The following AMPH variants were observed in gnomAD, a reference collection of about 807,000 sequenced individuals.
The protein encoded by AMPH is amphiphysin.
A neutral mutation model predicts 99.1 loss-of-function variants in AMPH; 49 were observed. The observed-to-expected ratio is 0.49, with a 90% CI of 0.39 to 0.63. The LOEUF is 0.63. Ranked by LOEUF, AMPH falls within the 20% of genes least tolerant of loss-of-function variation. AMPH has a pLI of 0.00. For missense variants in AMPH, 759 were observed against 863.4 expected, an observed-to-expected ratio of 0.88 and a Z score of 1.52; for synonymous variants, 314 against 317.3, an observed-to-expected ratio of 0.99 and a Z score of 0.11.
At chr7:38,488,160 A>G (rs1327154002) in intron 5 of AMPH, among the ~76,000 whole-genome samples, 2 of 152,176 alleles carry the variant, frequency 1.3e-5, no homozygotes, top group Non-Finnish European at 2.9e-5. Context: ...TTGATGCAGC[A>G]ATCCCATTAC....
chr7:38,415,141 C>G (rs2128986065), intron 17 of AMPH, among the ~76,000 whole-genome samples: 1 of 151,958 alleles, frequency 6.6e-6, no homozygotes, highest in Middle Eastern at 3.4e-3. Context: ...AAACAACAAA[C>G]AAAAATGTAA....
chr7:38,503,823 A>C, intron 2 of AMPH, 119 bp from the exon 3 acceptor site: 1 of 947,990 alleles, frequency 1.1e-6, no homozygotes, highest in Non-Finnish European at 1.7e-6. Flanking sequence ...AAAAACATAA[A>C]TATGTGGACA....
intron 11 of AMPH, among the ~76,000 whole-genome samples, chr7:38,436,971 T>C (rs1235219343): frequency 2.6e-5 from 4 of 152,182 alleles, no homozygotes; most frequent in African/African-American, 7.2e-5. Context: ...TGTATGTGTA[T>C]GAGTGAGGGT....
At chr7:38,609,748 AT>A (rs975629684) in intron 1 of AMPH, among the ~76,000 whole-genome samples, 15 of 47,800 alleles carry the variant, frequency 3.1e-4, no homozygotes, top group Non-Finnish European at 5.0e-4. Context: ...TGGGTAATAG[AT>A]TGCAGGTGCT....
intron 1 of AMPH, among the ~76,000 whole-genome samples, chr7:38,587,951 C>T (rs113803793): frequency 0.019 from 2,367 of 126,654 alleles, 54 homozygotes; most frequent in African/African-American, 0.058. Flanking sequence ...TGTGTGTGTG[C>T]GCGTGTGTGT....
intron 11 of AMPH, among the ~76,000 whole-genome samples, chr7:38,441,803 TATATATCATATATATC>T (rs1362336638): frequency 1.6e-5 from 1 of 64,314 alleles, no homozygotes; most frequent in Non-Finnish European, 2.9e-5. Flanking sequence ...ATATATCATA[TATATATCATATATATC>T]ATATATCATA....
chr7:38,605,733 G>A (rs759007154), intron 1 of AMPH, among the ~76,000 whole-genome samples: 3 of 151,786 alleles, frequency 2.0e-5, no homozygotes, highest in Non-Finnish European at 2.9e-5. Context: ...CCACCACCAT[G>A]CCCAGCTATT....
chr7:38,563,569 CT>C (rs1464386918), intron 1 of AMPH, among the ~76,000 whole-genome samples: 2 of 152,150 alleles, frequency 1.3e-5, no homozygotes, highest in Admixed American at 6.5e-5. Flanking sequence ...GAGCTACAGT[CT>C]TTCTCTTGGG....
chr7:38,561,522 T>C (rs1791551109), intron 1 of AMPH, among the ~76,000 whole-genome samples: 1 of 152,110 alleles, frequency 6.6e-6, no homozygotes, highest in Non-Finnish European at 1.5e-5. Flanking sequence ...TTATCCTGTT[T>C]AGAGAGAAGC....
chr7:38,418,993 A>G (rs1201870218), intron 16 of AMPH, among the ~76,000 whole-genome samples: 1 of 152,016 alleles, frequency 6.6e-6, no homozygotes, highest in Admixed American at 6.6e-5. Flanking sequence ...TAATATAAAT[A>G]AACATATTTA....
chr7:38,399,793 A>G (rs1784790459), intron 17 of AMPH, among the ~76,000 whole-genome samples: 1 of 152,142 alleles, frequency 6.6e-6, no homozygotes. Flanking sequence ...TTCACTCTAA[A>G]TGTTCAGAAA....
chr7:38,407,658 C>T (rs944596477), intron 17 of AMPH, among the ~76,000 whole-genome samples: 10 of 152,002 alleles, frequency 6.6e-5, no homozygotes, highest in Admixed American at 4.6e-4. Flanking sequence ...ATTAAATATA[C>T]ACTAAGGTAA....
chr7:38,463,203 C>G, intron 9 of AMPH, 90 bp from the exon 10 acceptor site: 1 of 1,557,896 alleles, frequency 6.4e-7, no homozygotes, highest in Non-Finnish European at 8.8e-7. Flanking sequence ...AACCCAGAAG[C>G]CTAACAGGTA....
chr7:38,563,910 T>C (rs1791640230), intron 1 of AMPH, among the ~76,000 whole-genome samples: 1 of 152,196 alleles, frequency 6.6e-6, no homozygotes, highest in Non-Finnish European at 1.5e-5. Context: ...ATCCTAAGAA[T>C]GTTATCACCT....
At chr7:38,571,907 TC>T (rs1199792266) in intron 1 of AMPH, among the ~76,000 whole-genome samples, 6 of 69,950 alleles carry the variant, frequency 8.6e-5, no homozygotes, top group Non-Finnish European at 1.9e-4. Flanking sequence ...TACACGTTTA[TC>T]TTTTTTTTTT....
intron 1 of AMPH, among the ~76,000 whole-genome samples, chr7:38,557,959 G>A (rs1734273981): frequency 6.6e-6 from 1 of 151,648 alleles, no homozygotes; most frequent in Admixed American, 6.6e-5. Flanking sequence ...GGAGGCTGAG[G>A]TAGGAGGATT....
chr7:38,615,635 G>T (rs367761978), intron 1 of AMPH, among the ~76,000 whole-genome samples: 1 of 152,040 alleles, frequency 6.6e-6, no homozygotes, highest in Non-Finnish European at 1.5e-5. Context: ...GGTCAGAGGG[G>T]AGCTACAGTC....
chr7:38,584,095 A>T (rs28736823), intron 1 of AMPH, among the ~76,000 whole-genome samples: 2,777 of 152,284 alleles, frequency 0.018, 86 homozygotes, highest in African/African-American at 0.063. Flanking sequence ...TAAGGTCATT[A>T]AGAGCCCATT....
chr7:38,439,449 C>A (rs1475202607), intron 11 of AMPH, among the ~76,000 whole-genome samples: 1 of 152,174 alleles, frequency 6.6e-6, no homozygotes, highest in Non-Finnish European at 1.5e-5. Context: ...TCTGGTAAAG[C>A]TACAAACATA....
Sources: allele counts gnomAD v4.1 joint callset (sites outside exome capture counted in the v4.1 genomes callset), GRCh38; gene constraint gnomAD v4.1.1; transcripts MANE v1.5; gene names NCBI Gene and HGNC (gene_info 2026-07-23, HGNC 2026-07-21).